Variants in ALMS1 observed in about 807,000 individuals in gnomAD.
ALMS1 encodes the protein centrosome-associated protein ALMS1.
In ALMS1, 271 loss-of-function variants were observed where a neutral mutation model predicts 352.2. The observed-to-expected ratio is 0.77, with a 90% CI of 0.70 to 0.85. ALMS1 has a LOEUF of 0.85. Ranked by LOEUF, ALMS1 falls within the 40% of genes least tolerant of loss-of-function variation. ALMS1 has a pLI of 0.00. For synonymous variants in ALMS1, 1,865 were observed against 1,761.2 expected, an observed-to-expected ratio of 1.06 and a Z score of -1.48; for missense variants, 5,445 against 4,870.7, an observed-to-expected ratio of 1.12 and a Z score of -3.51.
chr2:73,432,309 A>ATTTACTATCTCCTTT lies in ALMS1; in HGVS notation c.1432+19_1432+20insTTACTATCTCCTTTT. ...AAAAGCAGGTACGTAGAAAAAGGAGATAGTAAATGTCCTACTTACGGATAC... is the reference window on the plus strand; with the variant it reads ...AAAAGCAGGTACGTAGAAAAAGGAGATTTACTATCTCCTTTTAGTAAATGTCCTACTTACGGATAC... On this transcript the variant is annotated intron_variant, in intron 7 of 22. Transcript: ENST00000613296. 6.4e-7 allele frequency: 1 copy of ATTTACTATCTCCTTT among 1,565,814 alleles called. No homozygotes were observed. Among genetic ancestry groups the ATTTACTATCTCCTTT allele is most frequent in the Non-Finnish European group, 8.8e-7 (1 of 1,136,404 alleles).
Position 73,398,738 on chromosome 2 carries a change from C to T in ALMS1, c.325-9884C>T, listed in dbSNP as rs543308182. Among the ~76,000 whole-genome samples the T allele has an allele frequency of 5.9e-5, 9 of 152,250 alleles. No individual in the cohort carries two copies. In the East Asian group the frequency reaches 1.7e-3, roughly 29 times the overall value. ...ATTGTACTTTTAACTTCAAATTCCACTTGATTGCTGGTATACAGGAAGTGA... is the reference window on the plus strand; with the variant it reads ...ATTGTACTTTTAACTTCAAATTCCATTTGATTGCTGGTATACAGGAAGTGA... On this transcript the variant is annotated intron_variant, in intron 1 of 22. Coordinates refer to ENST00000613296, the MANE Select transcript of ALMS1 (RefSeq NM_001378454.1).
At chr2:73,389,294 T>C (rs998334785) in intron 1 of ALMS1, among the ~76,000 whole-genome samples, 4 of 152,208 alleles carry the variant, frequency 2.6e-5, no homozygotes, top group Non-Finnish European at 5.9e-5. Context: ...TATTTGTTTT[T>C]TCTTCCTGTT....
At chr2:73,401,947 T>C (rs1670880255) in intron 1 of ALMS1, among the ~76,000 whole-genome samples, 1 of 152,154 alleles carries the variant, frequency 6.6e-6, no homozygotes, top group African/African-American at 2.4e-5. Context: ...GGTTTATTCA[T>C]GTGACAAATG....
rs187887110 is a variant in ALMS1 at position 73,600,698 on chromosome 2, G to A, written c.11689G>A (p.Gly3897Ser). The part of the protein sequence containing the change: ...IQAGNLEIVN[G>S]AKKHTRDVGI... Reference sequence around the variant, plus strand: ...CTCAGGTAACTTGGAGATTGTGAACGGTGCCAAAAAACACACTCGAGATGT... The same window carrying A: ...CTCAGGTAACTTGGAGATTGTGAACAGTGCCAAAAAACACACTCGAGATGT... The change falls in exon 18 of 23, where the codon GGT becomes AGT. Residue 3897 changes from glycine (G) to serine (S), a missense_variant. Transcript: ENST00000613296. The A allele has an allele frequency of 3.7e-5, 59 of 1,613,714 alleles. No homozygotes were observed. In the African/African-American group the frequency reaches 4.5e-4, roughly 12 times the overall value.
intron 12 of ALMS1, among the ~76,000 whole-genome samples, chr2:73,549,904 A>T (rs1202564688): frequency 6.6e-6 from 1 of 152,088 alleles, no homozygotes; most frequent in African/African-American, 2.4e-5. Context: ...CTGCCACTCA[A>T]GCTGCAGTGC....
chr2:73,463,243 C>G (rs1405771608), intron 9 of ALMS1, among the ~76,000 whole-genome samples: 1 of 152,142 alleles, frequency 6.6e-6, no homozygotes, highest in Non-Finnish European at 1.5e-5. Context: ...GAAATTATAA[C>G]AAACTATCTC....
Position 73,455,167 on chromosome 2 carries a change from A to T in ALMS1, c.7546A>T (p.Asn2516Tyr), listed in dbSNP as rs770605950. ...EESRVRAHAW[N>Y]MKFNLAHDCG... is the part of the protein sequence containing the mutation. ...AGTGTATGCTTTCTCTCCAGCCTGG[A>T]ATATGAAGTTCAATTTAGCACATGA... is the stretch of plus-strand genomic sequence containing the variant. The change falls in exon 9 of 23, where the codon AAT becomes TAT. Residue 2516 changes from asparagine to tyrosine, a missense_variant. Asn to Tyr is a moderately radical substitution (Grantham distance 143). Coordinates refer to ENST00000613296, the MANE Select transcript of ALMS1 (RefSeq NM_001378454.1). 2 of 1,613,852 alleles carry T rather than the reference A, an allele frequency of 1.2e-6. No homozygotes were observed. The highest frequency in any genetic ancestry group is 4.5e-5 in the East Asian group (2 of 44,878).
chr2:73,451,470 C>T lies in ALMS1; in HGVS notation c.4943C>T (p.Pro1648Leu). The change falls in exon 8 of 23, where the codon CCT becomes CTT. Residue 1648 changes from proline to leucine, a missense_variant. Pro to Leu is a moderately conservative substitution (Grantham distance 98). Transcript: ENST00000613296. ...GAGGTTGTGAAAGTTTCAGCTGCTC[C>T]TGGACCAGCTGACCAGAAGACTGAG... The part of the protein sequence containing the change: ...NKEVVKVSAA[P>L]GPADQKTETL... 6.2e-7 allele frequency: 1 copy of T among 1,614,080 alleles called. No homozygotes were observed. Among genetic ancestry groups the T allele is most frequent in the Non-Finnish European group, 8.5e-7 (1 of 1,180,000 alleles).
chr2:73,468,432 T>C (rs1288793067), intron 9 of ALMS1, among the ~76,000 whole-genome samples: 1 of 152,042 alleles, frequency 6.6e-6, no homozygotes, highest in Non-Finnish European at 1.5e-5. Context: ...GTGTACAGTT[T>C]ACTGGTGTTA....
chr2:73,500,564 G>C (rs757232876), intron 10 of ALMS1, among the ~76,000 whole-genome samples: 5 of 151,982 alleles, frequency 3.3e-5, no homozygotes, highest in Non-Finnish European at 7.4e-5. Context: ...GAGATTACTG[G>C]GATGCTATGA....
Position 73,491,478 on chromosome 2 carries a change from G to A in ALMS1, c.9519G>A (p.Gly3173=). 8 of 1,614,010 alleles carry A rather than the reference G, an allele frequency of 5.0e-6. No homozygotes were observed. Among genetic ancestry groups the A allele is most frequent in the Non-Finnish European group, 6.8e-6 (8 of 1,180,002 alleles). ...TCGAAGGACATTCCAATCCAGAGGG[G>A]ACCCCAGTATTTGCAGATCGGTGAG... ...SDFEGHSNPE[G]TPVFADRLPE... Residue 3173 remains glycine (G), a synonymous_variant, in exon 10 of 23, where the codon GGG becomes GGA. Coordinates refer to ENST00000613296, the MANE Select transcript of ALMS1 (RefSeq NM_001378454.1).
intron 10 of ALMS1, among the ~76,000 whole-genome samples, chr2:73,518,806 A>G (rs988315491): frequency 1.3e-5 from 2 of 152,062 alleles, no homozygotes; most frequent in South Asian, 2.1e-4. Context: ...AGTTCCTTGT[A>G]AATGCTGGAT....
intron 16 of ALMS1, among the ~76,000 whole-genome samples, chr2:73,573,768 A>G (rs762769641): frequency 3.3e-4 from 50 of 149,350 alleles, no homozygotes; most frequent in Non-Finnish European, 6.2e-4. Context: ...TTTTTTTTTA[A>G]TTCATTCCTC....
At chr2:73,411,205 A>G (rs930862939) in intron 2 of ALMS1, among the ~76,000 whole-genome samples, 6 of 151,774 alleles carry the variant, frequency 4.0e-5, no homozygotes, top group Non-Finnish European at 8.8e-5. Flanking sequence ...GAGGAGAAAA[A>G]CATACAAGGA....
At chr2:73,508,601 T>A (rs1238527767) in intron 10 of ALMS1, among the ~76,000 whole-genome samples, 1 of 152,138 alleles carries the variant, frequency 6.6e-6, no homozygotes, top group Non-Finnish European at 1.5e-5. Flanking sequence ...CTGAGGAGTG[T>A]TTTACTTCCA....
chr2:73,524,900 A>C (rs756276025), intron 11 of ALMS1, among the ~76,000 whole-genome samples: 3 of 152,132 alleles, frequency 2.0e-5, no homozygotes, highest in Non-Finnish European at 4.4e-5. Flanking sequence ...TACCCTTCCC[A>C]GTCTCTGGTA....
chr2:73,551,325 A>G (rs1483343943), intron 13 of ALMS1, among the ~76,000 whole-genome samples: 1 of 149,318 alleles, frequency 6.7e-6, no homozygotes, highest in Non-Finnish European at 1.5e-5. Context: ...CAGGACATCC[A>G]TTCTCTTGTT....
At chr2:73,477,025 T>G (rs1672597932) in intron 9 of ALMS1, among the ~76,000 whole-genome samples, 1 of 152,140 alleles carries the variant, frequency 6.6e-6, no homozygotes, top group Non-Finnish European at 1.5e-5. Context: ...GAAGACTTAT[T>G]GTACATGATT....
At chr2:73,468,674 A>T (rs540555128) in intron 9 of ALMS1, among the ~76,000 whole-genome samples, 13 of 152,124 alleles carry the variant, frequency 8.5e-5, no homozygotes, top group African/African-American at 2.6e-4. Flanking sequence ...TATTTCACTT[A>T]GCCTCATGTG....
Sources: allele counts gnomAD v4.1 joint callset (sites outside exome capture counted in the v4.1 genomes callset), GRCh38; gene constraint gnomAD v4.1.1; transcripts MANE v1.5; gene names NCBI Gene and HGNC (gene_info 2026-07-23, HGNC 2026-07-21).